The following PDE3B variants were observed in gnomAD, a reference collection of about 807,000 sequenced individuals.
The protein encoded by PDE3B is phosphodiesterase 3B.
A neutral mutation model predicts 116.8 loss-of-function variants in PDE3B; 66 were observed. The observed-to-expected ratio is 0.56, with a 90% CI of 0.46 to 0.69. PDE3B has a LOEUF of 0.69. Among genes scored for constraint, PDE3B ranks in the 30% least tolerant of loss-of-function variants. PDE3B has a pLI of 0.00. For synonymous variants in PDE3B, 595 were observed against 533.6 expected, an observed-to-expected ratio of 1.12 and a Z score of -1.59; for missense variants, 1,384 against 1,368.1, an observed-to-expected ratio of 1.01 and a Z score of -0.18.
intron 1 of PDE3B, among the ~76,000 whole-genome samples, chr11:14,646,376 G>T (rs556782264): frequency 2.0e-5 from 3 of 152,210 alleles, no homozygotes; most frequent in South Asian, 4.1e-4. Context: ...TCTTGATTTG[G>T]CTTCAGAGGC....
chr11:14,883,823 C>CA, the PDE3B span, among the ~76,000 whole-genome samples: 1 of 151,894 alleles, frequency 6.6e-6, no homozygotes, highest in Non-Finnish European at 1.5e-5. Flanking sequence ...ACAATGAACT[C>CA]AAACAAATTT....
At chr11:14,692,657 C>T (rs1047166158) in intron 1 of PDE3B, among the ~76,000 whole-genome samples, 8 of 152,036 alleles carry the variant, frequency 5.3e-5, no homozygotes, top group Non-Finnish European at 4.4e-5. Context: ...AATCACTGCA[C>T]CCAGAGAAGA....
In PDE3B at chr11:14,871,003, G is replaced by A. The variant is rs1208507849; in HGVS notation, c.*1343G>A. ...GATATAAAGAGCAGCCAAAATGATG[G>A]CAAAATGGTAGGCTAATATTTTCTA... On this transcript the variant is annotated 3_prime_UTR_variant, in exon 16 of 16. Transcript: ENST00000282096. 6.6e-6 allele frequency: 1 copy of A among 152,092 alleles called. No individual in the cohort carries two copies. Among genetic ancestry groups the A allele is most frequent in the Non-Finnish European group, 1.5e-5 (1 of 68,004 alleles). The allele number at this position is 152,092 out of a possible 1,614,324, so 9.4% of individuals were successfully genotyped here.
In PDE3B at chr11:14,859,170, G is replaced by T; in HGVS notation, c.2648G>T (p.Arg883Leu). Residue 883 changes from arginine to leucine, a missense_variant, in exon 13 of 16, where the codon CGT becomes CTT. Around this residue, in one of 2 missense-constraint regions of PDE3B, gnomAD observed 428 missense variants for 561.4 expected, o/e 0.76. Transcript: ENST00000282096. ...GATCATGTGGAATTCAAGCGCTTTC[G>T]TTTTTTAGTCATTGAAGCAATCCTT... ...HLDHVEFKRF[R>L]FLVIEAILAT... is the part of the protein sequence containing the mutation. 6.2e-7 allele frequency: 1 copy of T among 1,613,474 alleles called. No homozygotes were observed. The highest frequency in any genetic ancestry group is 8.5e-7 in the Non-Finnish European group (1 of 1,179,696).
rs1192342956 is a variant in PDE3B, at chr11:14,805,591, A to C, written c.1522+1541A>C. 1.2e-4 allele frequency among the ~76,000 whole-genome samples: 18 copies of C among 152,234 alleles called. 1 individual carries two copies. The highest frequency in any genetic ancestry group is 2.6e-4 in the Non-Finnish European group (18 of 68,044). ...ATTGTACCTCAGTAAATCTGGAAAA[A>C]ATCTTTTAGTAAATCAGATGAGAAG... On this transcript the variant is annotated intron_variant, in intron 5 of 15. Transcript: ENST00000282096.
At chr11:14,705,950 T>C (rs773825484) in intron 1 of PDE3B, among the ~76,000 whole-genome samples, 9 of 151,888 alleles carry the variant, frequency 5.9e-5, no homozygotes, top group Non-Finnish European at 1.0e-4. Context: ...GTGGCAATAG[T>C]CACTTCAAAT....
At chr11:14,846,975 C>G (rs2133977610) in intron 12 of PDE3B, among the ~76,000 whole-genome samples, 1 of 152,300 alleles carries the variant, frequency 6.6e-6, no homozygotes, top group South Asian at 2.1e-4. Context: ...GAACTCAGCT[C>G]TGCACCAAGC....
Position 14,871,526 on chromosome 11 carries a change from T to C in PDE3B, c.*1866T>C, listed in dbSNP as rs542248226. ...ACATGTACAAGCATGCATATTGAGATTGAATCACATTTCCATACTGTCTGT... is the reference window on the plus strand; with the variant it reads ...ACATGTACAAGCATGCATATTGAGACTGAATCACATTTCCATACTGTCTGT... On this transcript the variant is annotated 3_prime_UTR_variant, in exon 16 of 16. Coordinates refer to ENST00000282096, the MANE Select transcript of PDE3B (RefSeq NM_000922.4). The C allele has an allele frequency of 2.7e-4, 41 of 152,300 alleles. No homozygotes were observed. The highest frequency in any genetic ancestry group is 9.1e-4 in the African/African-American group (38 of 41,582). The allele number at this position is 152,300 out of a possible 1,614,324, so 9.4% of individuals were successfully genotyped here. A position where few individuals can be genotyped will look rare whatever the true frequency, so the allele number is the denominator to read the frequency against.
intron 1 of PDE3B, among the ~76,000 whole-genome samples, chr11:14,764,181 A>G (rs1857434303): frequency 6.6e-6 from 1 of 152,154 alleles, no homozygotes; most frequent in Non-Finnish European, 1.5e-5. Context: ...AGTAAGAGCT[A>G]TAGTTGTGGA....
At chr11:14,656,665 G>T (rs372119329) in intron 1 of PDE3B, among the ~76,000 whole-genome samples, 46 of 152,272 alleles carry the variant, frequency 3.0e-4, no homozygotes, top group African/African-American at 1.0e-3. Flanking sequence ...TTATTGATGT[G>T]AAATAGATGT....
the PDE3B span, among the ~76,000 whole-genome samples, chr11:14,893,704 A>G: frequency 6.6e-6 from 1 of 151,944 alleles, no homozygotes; most frequent in Non-Finnish European, 1.5e-5. Context: ...TCTCTCTTCT[A>G]CTTCCTTCTT....
chr11:14,829,403 A>G lies in PDE3B; in HGVS notation c.1808-1295A>G, dbSNP rs142172866. On this transcript the variant is annotated intron_variant, in intron 7 of 15. Transcript: ENST00000282096. ...ATTTGAATCCAGATTCTATTTTACT[A>G]TATAGTTTGGGCTCTATCTTATATG... Among the ~76,000 whole-genome samples, 823 of 152,326 alleles carry G rather than the reference A, an allele frequency of 5.4e-3. 9 individuals are homozygous for G. Among genetic ancestry groups the G allele is most frequent in the African/African-American group, 0.019 (783 of 41,568 alleles).
At position 14,644,152 on chromosome 11, in the gene PDE3B, GTCT is replaced by G. The variant is rs758203404; in HGVS notation, c.78_80del (p.Ser26_Leu27delinsArg). Reference sequence around the variant, plus strand: ...GATGGGGCCGGCTCGCCCCCCGAGAGTCTGAGGAACGGCTACGTGAAGAGCTGC... The same window carrying G: ...GATGGGGCCGGCTCGCCCCCCGAGAGGAGGAACGGCTACGTGAAGAGCTGC... On this transcript the variant is annotated inframe_deletion, in exon 1 of 16. Transcript: ENST00000282096. The G allele has an allele frequency of 3.1e-6, 5 of 1,593,244 alleles. No homozygotes were observed. In the Admixed American group the frequency reaches 8.4e-5, roughly 27 times the overall value.
At chr11:14,680,962 T>C (rs755002665) in intron 1 of PDE3B, among the ~76,000 whole-genome samples, 9 of 152,174 alleles carry the variant, frequency 5.9e-5, no homozygotes, top group Non-Finnish European at 8.8e-5. Flanking sequence ...CCTCAACTTA[T>C]GATGATGGGG....
intron 1 of PDE3B, among the ~76,000 whole-genome samples, chr11:14,706,968 C>T (rs1590076548): frequency 6.6e-6 from 1 of 151,732 alleles, no homozygotes; most frequent in African/African-American, 2.4e-5. Flanking sequence ...CTGGTATGTA[C>T]CAGGTGCTGG....
intron 13 of PDE3B, 126 bp downstream of exon 13, chr11:14,859,372 A>C: frequency 1.7e-6 from 1 of 581,900 alleles, no homozygotes; most frequent in Non-Finnish European, 2.9e-6. Context: ...AGTTGATATA[A>C]AATAATATAT....
chr11:14,851,431 T>C (rs1215480339), intron 12 of PDE3B, among the ~76,000 whole-genome samples: 1 of 152,022 alleles, frequency 6.6e-6, no homozygotes. Flanking sequence ...TTCTCTTGAA[T>C]TGTGAGCATG....
chr11:14,668,117 A>G (rs1565083051), intron 1 of PDE3B, among the ~76,000 whole-genome samples: 1 of 152,060 alleles, frequency 6.6e-6, no homozygotes, highest in African/African-American at 2.4e-5. Context: ...CATCCAGGTA[A>G]GAGGACACGT....
intron 1 of PDE3B, among the ~76,000 whole-genome samples, chr11:14,760,411 C>G (rs548197608): frequency 1.1e-4 from 16 of 152,236 alleles, no homozygotes; most frequent in African/African-American, 3.6e-4. Context: ...AAAGTAGGAA[C>G]AAATCAGACC....
Sources: allele counts gnomAD v4.1 joint callset (sites outside exome capture counted in the v4.1 genomes callset), GRCh38; gene constraint gnomAD v4.1.1; regional missense constraint gnomAD v4.1.1; transcripts MANE v1.5; gene names NCBI Gene and HGNC (gene_info 2026-07-23, HGNC 2026-07-21).